Variants in COL8A1 observed in about 807,000 individuals in gnomAD.
The protein encoded by COL8A1 is collagen alpha-1(VIII) chain.
COL8A1 carries 21 observed loss-of-function variants against 42.7 expected under a neutral mutation model. The observed-to-expected ratio is 0.49, with a 90% CI of 0.35 to 0.71. The LOEUF (loss-of-function observed/expected upper bound fraction) is 0.71, where lower values mean the gene tolerates loss of function less well. Ranked by LOEUF, COL8A1 falls within the 30% of genes least tolerant of loss-of-function variation. The pLI, the probability that COL8A1 is intolerant of heterozygous loss-of-function variation, is 0.01. For synonymous variants in COL8A1, 367 were observed against 369.1 expected, an observed-to-expected ratio of 0.99 and a Z score of 0.06; for missense variants, 788 against 962.4, an observed-to-expected ratio of 0.82 and a Z score of 2.40.
At chr3:99,648,925 GTA>G (rs1284582041) in intron 1 of COL8A1, among the ~76,000 whole-genome samples, 1 of 152,110 alleles carries the variant, frequency 6.6e-6, no homozygotes, top group Non-Finnish European at 1.5e-5. Context: ...TGCAGTGAGA[GTA>G]TATATAGAAA....
chr3:99,723,774 TTCTC>T (rs1481618049), intron 1 of COL8A1, among the ~76,000 whole-genome samples: 2 of 152,122 alleles, frequency 1.3e-5, no homozygotes, highest in Non-Finnish European at 2.9e-5. Flanking sequence ...AAGGAAAACT[TTCTC>T]TCCTAATTGA....
chr3:99,723,274 T>C (rs771218266), intron 1 of COL8A1, among the ~76,000 whole-genome samples: 4 of 152,066 alleles, frequency 2.6e-5, no homozygotes, highest in Non-Finnish European at 5.9e-5. Context: ...GTTTTCAAAT[T>C]CTCTATCTGA....
At chr3:99,744,189 C>A (rs1042610983) in intron 1 of COL8A1, among the ~76,000 whole-genome samples, 13 of 152,180 alleles carry the variant, frequency 8.5e-5, no homozygotes, top group African/African-American at 2.9e-4. Flanking sequence ...CTCGGCCTCC[C>A]AAAGTGCTGG....
intron 1 of COL8A1, among the ~76,000 whole-genome samples, chr3:99,702,422 T>G (rs1164406592): frequency 6.6e-6 from 1 of 152,192 alleles, no homozygotes; most frequent in Non-Finnish European, 1.5e-5. Context: ...CAAAATTCAC[T>G]TAGAGTCTAG....
In COL8A1 at chr3:99,798,129, T is replaced by C. The variant is rs1190466176; in HGVS notation, c.*1993T>C. On this transcript the variant is annotated 3_prime_UTR_variant, in exon 4 of 4. Coordinates refer to ENST00000652472, the MANE Select transcript of COL8A1 (RefSeq NM_020351.4). ...TGTCTTTGTCAAATCTGAATCATTA[T>C]TACCATCACAAAAATTCTTCTCTTG... 3 of 152,216 alleles carry C rather than the reference T, an allele frequency of 2.0e-5. No homozygotes were observed. The highest frequency in any genetic ancestry group is 6.5e-5 in the Admixed American group (1 of 15,282). The allele number at this position is 152,216 out of a possible 1,614,324, so 9.4% of individuals were successfully genotyped here. A position where few individuals can be genotyped will look rare whatever the true frequency, so the allele number is the denominator to read the frequency against.
intron 1 of COL8A1, among the ~76,000 whole-genome samples, chr3:99,663,519 G>C (rs188499805): frequency 1.2e-4 from 18 of 152,212 alleles, no homozygotes; most frequent in East Asian, 1.2e-3. Context: ...TAGTGGCAGT[G>C]TTTTGTTTTG....
intron 2 of COL8A1, among the ~76,000 whole-genome samples, chr3:99,781,770 T>C (rs955429213): frequency 3.3e-5 from 5 of 152,204 alleles, no homozygotes; most frequent in Non-Finnish European, 4.4e-5. Flanking sequence ...AAGAAGGAAC[T>C]CACCTTGCTG....
At chr3:99,765,431 C>T (rs191834677) in intron 2 of COL8A1, among the ~76,000 whole-genome samples, 1 of 152,200 alleles carries the variant, frequency 6.6e-6, no homozygotes, top group Non-Finnish European at 1.5e-5. Flanking sequence ...TTTGTTTACA[C>T]TCTACAATGA....
chr3:99,779,331 A>C (rs1230743373), intron 2 of COL8A1, among the ~76,000 whole-genome samples: 1 of 152,236 alleles, frequency 6.6e-6, no homozygotes, highest in African/African-American at 2.4e-5. Context: ...ACAGCATGGA[A>C]AGATAAAGCT....
At chr3:99,711,601 G>A (rs1939837605) in intron 1 of COL8A1, among the ~76,000 whole-genome samples, 1 of 152,082 alleles carries the variant, frequency 6.6e-6, no homozygotes, top group African/African-American at 2.4e-5. Flanking sequence ...TAATACCTGG[G>A]GGATGTGGGA....
At chr3:99,693,021 T>G (rs1239519668) in intron 1 of COL8A1, among the ~76,000 whole-genome samples, 1 of 152,114 alleles carries the variant, frequency 6.6e-6, no homozygotes, top group Non-Finnish European at 1.5e-5. Context: ...TAGCCAGGCG[T>G]GGTGGCGTGT....
chr3:99,759,260 A>G (rs1238849203), intron 2 of COL8A1, among the ~76,000 whole-genome samples: 1 of 152,148 alleles, frequency 6.6e-6, no homozygotes, highest in Non-Finnish European at 1.5e-5. Flanking sequence ...ATCACAGTAG[A>G]CGGTAAGAAA....
intron 2 of COL8A1, among the ~76,000 whole-genome samples, chr3:99,760,926 G>A (rs969876309): frequency 7.2e-5 from 11 of 152,180 alleles, no homozygotes; most frequent in East Asian, 1.9e-4. Flanking sequence ...GCAAAGCCTC[G>A]TCTGTTTGAA....
At chr3:99,652,261 G>GTGT (rs759620559) in intron 1 of COL8A1, among the ~76,000 whole-genome samples, 1 of 152,174 alleles carries the variant, frequency 6.6e-6, no homozygotes, top group Non-Finnish European at 1.5e-5. Context: ...CAGCAAAAGA[G>GTGT]TGTTGCAAGG....
chr3:99,776,111 GGAA>G lies in COL8A1; in HGVS notation c.-3-14563_-3-14561del, dbSNP rs1019523961. Among the ~76,000 whole-genome samples, 7 of 152,282 alleles carry G rather than the reference GGAA, an allele frequency of 4.6e-5. 1 individual carries two copies. The highest frequency in any genetic ancestry group is 4.1e-4 in the South Asian group (2 of 4,822). On this transcript the variant is annotated intron_variant, in intron 2 of 3. Coordinates refer to ENST00000652472, the MANE Select transcript of COL8A1 (RefSeq NM_020351.4). Reference sequence around the variant, plus strand: ...AAGAAGTTGGCCCCTGAACCAGTGAGGAAGAAGATGATTTTGATTCAGTGTCCC... The same window carrying G: ...AAGAAGTTGGCCCCTGAACCAGTGAGGAAGATGATTTTGATTCAGTGTCCC...
At chr3:99,764,653 T>C (rs1941424613) in intron 2 of COL8A1, among the ~76,000 whole-genome samples, 1 of 151,936 alleles carries the variant, frequency 6.6e-6, no homozygotes, top group Admixed American at 6.6e-5. Context: ...AGAATAATTA[T>C]GGTAGTAGCT....
At chr3:99,767,080 G>A (rs935583245) in intron 2 of COL8A1, among the ~76,000 whole-genome samples, 7 of 152,134 alleles carry the variant, frequency 4.6e-5, no homozygotes, top group Non-Finnish European at 1.0e-4. Flanking sequence ...AATAATAAGT[G>A]TAGTACTGTG....
At chr3:99,759,106 C>CTTT (rs372727265) in intron 2 of COL8A1, among the ~76,000 whole-genome samples, 4,768 of 139,498 alleles carry the variant, frequency 0.034, 141 homozygotes, top group African/African-American at 0.062. Flanking sequence ...GAGCCTGTTC[C>CTTT]TTTTTTTTTT....
At chr3:99,707,602 C>T (rs1343378296) in intron 1 of COL8A1, among the ~76,000 whole-genome samples, 1 of 152,160 alleles carries the variant, frequency 6.6e-6, no homozygotes, top group African/African-American at 2.4e-5. Flanking sequence ...GGTCCCTATT[C>T]GCTAGGTAAG....
Sources: gnomAD v4.1 joint callset for allele counts (sites outside exome capture counted in the v4.1 genomes callset) on GRCh38, gnomAD v4.1.1 for gene constraint, MANE v1.5 for transcripts, NCBI Gene and HGNC (gene_info 2026-07-23, HGNC 2026-07-21) for gene names.